The following LRIG1 variants were observed in gnomAD, a reference collection of about 807,000 sequenced individuals.
The protein encoded by LRIG1 is leucine-rich repeats and immunoglobulin-like domains protein 1.
LRIG1 carries 48 observed loss-of-function variants against 99.2 expected under a neutral mutation model. The ratio of observed to expected loss-of-function variants is 0.48; its 90% CI spans 0.38 to 0.62. LRIG1 has a LOEUF of 0.62. Ranked by LOEUF, LRIG1 falls within the 20% of genes least tolerant of loss-of-function variation. The pLI, the probability that LRIG1 is intolerant of heterozygous loss-of-function variation, is 0.00. For synonymous variants in LRIG1, 772 were observed against 596.1 expected (o/e 1.29, Z -4.30); for missense variants, 1,646 against 1,434.4 (o/e 1.15, Z -2.38).
Position 66,383,016 on chromosome 3 carries a change from C to T in LRIG1, c.2457G>A (p.Arg819=), listed in dbSNP as rs762074673. ...TGACACTGTACTCTTCACTCTTCTT[C>T]CTGGTCTGGTAGATGATGCACACCC... The part of the protein sequence containing the change: ...LVWVCIIYQT[R]KKSEEYSVTN... Residue 819 remains arginine (R), a synonymous_variant, in exon 15 of 19, where the codon AGG becomes AGA. Coordinates refer to ENST00000273261, the MANE Select transcript of LRIG1 (RefSeq NM_015541.3). 27 of 1,613,688 alleles carry T rather than the reference C, an allele frequency of 1.7e-5. No homozygotes were observed. The highest frequency in any genetic ancestry group is 2.2e-5 in the Non-Finnish European group (26 of 1,179,748).
intron 3 of LRIG1, among the ~76,000 whole-genome samples, chr3:66,441,996 G>A (rs1018459540): frequency 6.6e-6 from 1 of 152,146 alleles, no homozygotes; most frequent in Admixed American, 6.5e-5. Flanking sequence ...ATAGAGCAAC[G>A]CCTGCCAATA....
chr3:66,448,937 T>A (rs1703812436), intron 3 of LRIG1, among the ~76,000 whole-genome samples: 1 of 152,180 alleles, frequency 6.6e-6, no homozygotes, highest in African/African-American at 2.4e-5. Context: ...CTACTAAATA[T>A]TTACAGAACA....
At chr3:66,417,504 C>T in intron 3 of LRIG1, 1 of 497,404 alleles carries the variant, frequency 2.0e-6, no homozygotes, top group Non-Finnish European at 3.7e-6. Context: ...CTTCCCTCTC[C>T]AAGGGCAACA....
chr3:66,382,831 C>T, intron 15 of LRIG1, 151 bp downstream of exon 15: 1 of 703,348 alleles, frequency 1.4e-6, no homozygotes, highest in Non-Finnish European at 2.3e-6. Context: ...GGTTAAGTTC[C>T]TCAAAGTTAA....
rs148095422 is a variant in LRIG1, at chr3:66,383,060, C to T, written c.2413G>A (p.Val805Ile). 1.7e-4 allele frequency: 275 copies of T among 1,614,236 alleles called. No homozygotes were observed. The highest frequency in any genetic ancestry group is 6.6e-4 in the Middle Eastern group (4 of 6,062). The change falls in exon 15 of 19, where the codon GTC becomes ATC. Residue 805 changes from valine to isoleucine, a missense_variant. Coordinates refer to ENST00000273261, the MANE Select transcript of LRIG1 (RefSeq NM_015541.3). ...CACACCCAGACCAGTGACGTCAGGACGATGCTGCTCACGACAGCAATGGTG... is the reference window on the plus strand; with the variant it reads ...CACACCCAGACCAGTGACGTCAGGATGATGCTGCTCACGACAGCAATGGTG... ...IFTIAVVSSI[V>I]LTSLVWVCII... is the part of the protein sequence containing the mutation.
chr3:66,439,104 C>A (rs1703458308), intron 3 of LRIG1, among the ~76,000 whole-genome samples: 1 of 152,204 alleles, frequency 6.6e-6, no homozygotes, highest in Non-Finnish European at 1.5e-5. Context: ...GCCAGCCTAG[C>A]CCGTGAGGAA....
At chr3:66,434,459 C>A (rs980804183) in intron 3 of LRIG1, among the ~76,000 whole-genome samples, 19 of 152,138 alleles carry the variant, frequency 1.2e-4, no homozygotes, top group Admixed American at 3.3e-4. Flanking sequence ...AAAAATACAA[C>A]ACCACGGTCA....
At chr3:66,388,156 T>C (rs565392968) in intron 12 of LRIG1, 2 of 131,934 alleles carry the variant, frequency 1.5e-5, no homozygotes, top group Admixed American at 7.4e-5. Context: ...GAAAATTTTA[T>C]AGCAATAAAG....
At chr3:66,405,076 A>C in intron 9 of LRIG1, 122 bp downstream of exon 9, 1 of 811,184 alleles carries the variant, frequency 1.2e-6, no homozygotes, top group Middle Eastern at 3.5e-4. Context: ...GCCCCAAACA[A>C]AAGCCAGCTC....
chr3:66,380,777 A>G lies in LRIG1; in HGVS notation c.2855T>C (p.Val952Ala), dbSNP rs1224463073. 9 of 1,614,200 alleles carry G rather than the reference A, an allele frequency of 5.6e-6. No homozygotes were observed. The highest frequency in any genetic ancestry group is 1.7e-5 in the Admixed American group (1 of 60,028). ...ACTTGGCTGTGCGCTGTCTCTGGACACAGGCTGGGGGTGGAAGGCTTGTCC... is the reference window on the plus strand; with the variant it reads ...ACTTGGCTGTGCGCTGTCTCTGGACGCAGGCTGGGGGTGGAAGGCTTGTCC... The part of the protein sequence containing the change: ...SRGQAFHPQP[V>A]SRDSAQPSAP... The change falls in exon 18 of 19, where the codon GTG (valine) becomes GCG (alanine). Residue 952 changes from valine (V) to alanine (A), a missense_variant. By Grantham distance (64) the Val-to-Ala change is moderately conservative. Transcript: ENST00000273261.
intron 1 of LRIG1, among the ~76,000 whole-genome samples, chr3:66,464,387 C>T (rs1445390889): frequency 2.6e-5 from 4 of 152,038 alleles, no homozygotes; most frequent in Admixed American, 6.6e-5. Context: ...CTGCCGCACA[C>T]CTAAAGGGGC....
At chr3:66,412,636 C>T (rs765807088) in intron 6 of LRIG1, among the ~76,000 whole-genome samples, 8 of 152,352 alleles carry the variant, frequency 5.3e-5, no homozygotes, top group South Asian at 4.1e-4. Context: ...AGGGGCTGGG[C>T]ACTGGTGCCC....
intron 3 of LRIG1, among the ~76,000 whole-genome samples, chr3:66,417,967 C>G (rs1044511952): frequency 6.6e-6 from 1 of 152,130 alleles, no homozygotes; most frequent in African/African-American, 2.4e-5. Flanking sequence ...CCCATCACTT[C>G]AGGGATAGGG....
intron 7 of LRIG1, 21 bp downstream of exon 7, chr3:66,410,108 C>T: frequency 6.3e-7 from 1 of 1,599,226 alleles, no homozygotes; most frequent in African/African-American, 1.3e-5. Context: ...ACTGCCACAG[C>T]CCAGAGCCGA....
chr3:66,500,071 C>A (rs1363446188), intron 1 of LRIG1, 119 bp downstream of exon 1: 2 of 743,084 alleles, frequency 2.7e-6, no homozygotes, highest in African/African-American at 1.8e-5. Context: ...CGCACAAGCA[C>A]GCACAACTCC....
intron 1 of LRIG1, among the ~76,000 whole-genome samples, chr3:66,492,281 C>A (rs561943618): frequency 6.6e-6 from 1 of 152,178 alleles, no homozygotes; most frequent in African/African-American, 2.4e-5. Flanking sequence ...AAGTTCAGTG[C>A]AATGTATGCT....
At position 66,410,166 on chromosome 3, in the gene LRIG1, G is replaced by A. The variant is rs754038143; in HGVS notation, c.898C>T (p.Arg300Cys). The change falls in exon 7 of 19, where the codon CGC (arginine) becomes TGC (cysteine). Residue 300 changes from arginine (R) to cysteine (C), a missense_variant. Physicochemically the swap from Arg to Cys is radical, Grantham distance 180. Coordinates refer to ENST00000273261, the MANE Select transcript of LRIG1 (RefSeq NM_015541.3). Reference protein sequence around the residue: ...LSNNSIARIHRKGWSFCQKLH... With the variant: ...LSNNSIARIHCKGWSFCQKLH... Reference sequence around the variant, plus strand: ...TTCTGGCAGAAGCTCCAGCCCTTGCGGTGAATGCGAGCGATGGAATTGTTG... The same window carrying A: ...TTCTGGCAGAAGCTCCAGCCCTTGCAGTGAATGCGAGCGATGGAATTGTTG... 3.7e-6 allele frequency: 6 copies of A among 1,613,980 alleles called. No individual in the cohort carries two copies. Among genetic ancestry groups the A allele is most frequent in the African/African-American group, 1.3e-5 (1 of 74,954 alleles).
In LRIG1 at chr3:66,383,103, C is replaced by A; in HGVS notation, c.2370G>T (p.Gly790=). ...VLPAAGCRKD[G]TTVGIFTIAV... ...CAATGGTGAAGATGCCTACCGTGGT[C>A]CCATCCTTCCTGCAGCCTGCTGCGG... Residue 790 remains glycine, a synonymous_variant, in exon 15 of 19, where the codon GGG becomes GGT. Coordinates refer to ENST00000273261, the MANE Select transcript of LRIG1 (RefSeq NM_015541.3). 6.2e-7 allele frequency: 1 copy of A among 1,614,240 alleles called. No homozygotes were observed. Among genetic ancestry groups the A allele is most frequent in the South Asian group, 1.1e-5 (1 of 91,084 alleles).
chr3:66,480,347 T>C lies in LRIG1; in HGVS notation c.219-17838A>G, dbSNP rs1463024705. ...GTGCTAATGGGTACAGGGTTTTATT[T>C]TGGGGTGATGAAAATGTTCTAGATT... is the stretch of plus-strand genomic sequence containing the variant. On this transcript the variant is annotated intron_variant, in intron 1 of 18. Transcript: ENST00000273261. Among the ~76,000 whole-genome samples the C allele has an allele frequency of 5.3e-5, 8 of 152,104 alleles. No homozygotes were observed. The East Asian group carries it at 5.8e-4, about 11-fold the overall frequency.
Sources: gnomAD v4.1 joint callset for allele counts (sites outside exome capture counted in the v4.1 genomes callset) on GRCh38, gnomAD v4.1.1 for gene constraint, MANE v1.5 for transcripts, NCBI Gene and HGNC (gene_info 2026-07-23, HGNC 2026-07-21) for gene names.